The following SORCS2 variants were observed in gnomAD, a reference collection of about 807,000 sequenced individuals.
The protein encoded by SORCS2 is sortilin related VPS10 domain containing receptor 2.
In SORCS2, 100 loss-of-function variants were observed where a neutral mutation model predicts 141.6. That is an observed-to-expected ratio of 0.71 (90% CI 0.60 to 0.83). The LOEUF (loss-of-function observed/expected upper bound fraction) is 0.83, where lower values mean the gene tolerates loss of function less well. Among genes scored for constraint, SORCS2 ranks in the 40% least tolerant of loss-of-function variants. SORCS2 has a pLI of 0.00. For missense variants in SORCS2, 1,646 were observed against 1,560.2 expected, an observed-to-expected ratio of 1.05 and a Z score of -0.93; for synonymous variants, 789 against 676.9, an observed-to-expected ratio of 1.17 and a Z score of -2.57.
chr4:7,657,746 ATGAG>A (rs1043275837), intron 5 of SORCS2, among the ~76,000 whole-genome samples: 2 of 148,952 alleles, frequency 1.3e-5, no homozygotes, highest in Non-Finnish European at 3.0e-5. Flanking sequence ...CTGTGAGTGA[ATGAG>A]TGAGTGAGTG....
intron 13 of SORCS2, 81 bp downstream of exon 13, chr4:7,703,452 C>A: frequency 2.7e-6 from 3 of 1,122,704 alleles, no homozygotes; most frequent in Non-Finnish European, 3.8e-6. Context: ...TCAGACTAGT[C>A]CCCAGAATGT....
chr4:7,396,198 A>G, intron 1 of SORCS2, 90 bp from the exon 2 acceptor site: 1 of 1,299,958 alleles, frequency 7.7e-7, no homozygotes, highest in Non-Finnish European at 1.1e-6. Flanking sequence ...AGAGACCCCA[A>G]ATTCTGGCAC....
intron 2 of SORCS2, among the ~76,000 whole-genome samples, chr4:7,496,986 T>C (rs1731670202): frequency 1.3e-5 from 2 of 152,190 alleles, no homozygotes; most frequent in South Asian, 4.1e-4. Flanking sequence ...AGGATGAAGC[T>C]AGGGTGGGTG....
intron 3 of SORCS2, among the ~76,000 whole-genome samples, chr4:7,556,495 G>C (rs796999633): frequency 6.6e-6 from 1 of 152,166 alleles, no homozygotes; most frequent in Non-Finnish European, 1.5e-5. Flanking sequence ...CACTGGCACG[G>C]ACTCAGCTGG....
At chr4:7,296,454 G>C (rs1717062844) in intron 1 of SORCS2, among the ~76,000 whole-genome samples, 1 of 152,162 alleles carries the variant, frequency 6.6e-6, no homozygotes, top group African/African-American at 2.4e-5. Flanking sequence ...CCCAAATCAC[G>C]GGCAGGGTGG....
chr4:7,472,659 T>G (rs1179926046), intron 2 of SORCS2, among the ~76,000 whole-genome samples: 2 of 152,104 alleles, frequency 1.3e-5, no homozygotes, highest in African/African-American at 4.8e-5. Context: ...GAGGGCAGAC[T>G]AAAGCCGGAA....
At chr4:7,374,649 A>G (rs1722514861) in intron 1 of SORCS2, among the ~76,000 whole-genome samples, 1 of 152,052 alleles carries the variant, frequency 6.6e-6, no homozygotes, top group Non-Finnish European at 1.5e-5. Flanking sequence ...TTTCTCAGTA[A>G]CGACCAAGAG....
At chr4:7,433,542 C>G (rs555665029) in intron 2 of SORCS2, 20 of 1,610,340 alleles carry the variant, frequency 1.2e-5, no homozygotes, top group Admixed American at 8.4e-5. Context: ...TGAGCACGGG[C>G]TCGTACTGGG....
intron 2 of SORCS2, among the ~76,000 whole-genome samples, chr4:7,405,849 C>G (rs1265355667): frequency 6.6e-6 from 1 of 152,070 alleles, no homozygotes; most frequent in East Asian, 1.9e-4. Context: ...TGGCTGATTG[C>G]TGTGGCCAAG....
intron 3 of SORCS2, among the ~76,000 whole-genome samples, chr4:7,554,387 A>G (rs1343982748): frequency 6.6e-6 from 1 of 152,162 alleles, no homozygotes; most frequent in Non-Finnish European, 1.5e-5. Context: ...ACATCATGGT[A>G]TACTTGGAGA....
At chr4:7,712,233 A>C (rs80090361) in intron 14 of SORCS2, among the ~76,000 whole-genome samples, 1,550 of 152,328 alleles carry the variant, frequency 0.01, 21 homozygotes, top group African/African-American at 0.035. Flanking sequence ...CTAGGGAGCA[A>C]ATGCCCTGTG....
chr4:7,737,928 C>T (rs760580044), intron 26 of SORCS2, among the ~76,000 whole-genome samples: 24 of 152,204 alleles, frequency 1.6e-4, no homozygotes, highest in Non-Finnish European at 3.1e-4. Flanking sequence ...GGACCATCGA[C>T]CGGGACACCT....
At chr4:7,299,420 A>G (rs1339418669) in intron 1 of SORCS2, among the ~76,000 whole-genome samples, 1 of 152,160 alleles carries the variant, frequency 6.6e-6, no homozygotes, top group African/African-American at 2.4e-5. Flanking sequence ...TCCTTTCTGT[A>G]TGGATCGCAT....
intron 1 of SORCS2, among the ~76,000 whole-genome samples, chr4:7,364,403 A>C (rs1301341503): frequency 6.6e-6 from 1 of 152,076 alleles, no homozygotes; most frequent in African/African-American, 2.4e-5. Flanking sequence ...TGTGACTGAC[A>C]TTTTCTCTCT....
chr4:7,280,564 G>A (rs950870447), intron 1 of SORCS2, among the ~76,000 whole-genome samples: 2 of 152,194 alleles, frequency 1.3e-5, no homozygotes, highest in African/African-American at 4.8e-5. Flanking sequence ...GGGAGGGCCA[G>A]TGTTTAGACA....
chr4:7,296,978 CA>C (rs1717109599), intron 1 of SORCS2, among the ~76,000 whole-genome samples: 1 of 152,200 alleles, frequency 6.6e-6, no homozygotes, highest in African/African-American at 2.4e-5. Flanking sequence ...CCCCAGACAC[CA>C]GCATCTTCCG....
At chr4:7,519,527 G>T (rs1399431387) in intron 2 of SORCS2, among the ~76,000 whole-genome samples, 1 of 152,240 alleles carries the variant, frequency 6.6e-6, no homozygotes, top group African/African-American at 2.4e-5. Context: ...AACCCAGCCA[G>T]TGTCTGGAAG....
At chr4:7,301,161 A>G (rs1016286348) in intron 1 of SORCS2, among the ~76,000 whole-genome samples, 1 of 152,102 alleles carries the variant, frequency 6.6e-6, no homozygotes, top group Non-Finnish European at 1.5e-5. Flanking sequence ...TGGATCCCAC[A>G]GCACAGCCCC....
chr4:7,567,393 C>T (rs960523976), intron 3 of SORCS2, among the ~76,000 whole-genome samples: 28 of 142,362 alleles, frequency 2.0e-4, no homozygotes, highest in African/African-American at 7.9e-4. Flanking sequence ...TCTCAGACTT[C>T]CCTTGTTTGT....
Sources: gnomAD v4.1 joint callset for allele counts (sites outside exome capture counted in the v4.1 genomes callset) on GRCh38, gnomAD v4.1.1 for gene constraint, MANE v1.5 for transcripts, NCBI Gene and HGNC (gene_info 2026-07-23, HGNC 2026-07-21) for gene names.